The following MAP4 variants were observed in gnomAD, a reference collection of about 807,000 sequenced individuals.
The protein encoded by MAP4 is microtubule-associated protein 4.
MAP4 carries 76 observed loss-of-function variants against 170.2 expected under a neutral mutation model. That is an observed-to-expected ratio of 0.45 (90% CI 0.37 to 0.54). The LOEUF is 0.54. Among genes scored for constraint, MAP4 ranks in the 20% least tolerant of loss-of-function variants. The pLI is 0.00. For synonymous variants in MAP4, 909 were observed against 994.5 expected (o/e 0.91, Z 1.62); for missense variants, 2,506 against 2,748.0 (o/e 0.91, Z 1.97).
intron 1 of MAP4, among the ~76,000 whole-genome samples, chr3:48,028,872 G>A (rs2100114434): frequency 6.6e-6 from 1 of 152,154 alleles, no homozygotes; most frequent in Non-Finnish European, 1.5e-5. Flanking sequence ...GTCAGGCACC[G>A]TGGCAAAGGT....
At chr3:47,944,939 A>G (rs1021077364) in intron 3 of MAP4, among the ~76,000 whole-genome samples, 2 of 151,190 alleles carry the variant, frequency 1.3e-5, no homozygotes, top group Non-Finnish European at 2.9e-5. Context: ...ATTATGCTCT[A>G]AAAAGGAACC....
At chr3:48,060,897 G>A (rs2100134836) in intron 1 of MAP4, among the ~76,000 whole-genome samples, 1 of 151,856 alleles carries the variant, frequency 6.6e-6, no homozygotes, top group Non-Finnish European at 1.5e-5. Flanking sequence ...CAGGCTGGAG[G>A]ACAGTGGTGC....
chr3:47,936,835 C>A (rs2153952826), intron 3 of MAP4, among the ~76,000 whole-genome samples: 1 of 152,034 alleles, frequency 6.6e-6, no homozygotes, highest in South Asian at 2.1e-4. Flanking sequence ...ATAAAATTAG[C>A]CAGGCATGGT....
intron 3 of MAP4, chr3:47,961,112 C>G (rs532123451): frequency 1.3e-5 from 2 of 153,362 alleles, no homozygotes; most frequent in East Asian, 3.8e-4. Flanking sequence ...CCACATCCCC[C>G]AATACTTCAC....
intron 1 of MAP4, among the ~76,000 whole-genome samples, chr3:48,022,479 T>C (rs2100111048): frequency 6.6e-6 from 1 of 152,190 alleles, no homozygotes; most frequent in African/African-American, 2.4e-5. Flanking sequence ...TAAATGATTT[T>C]TTTTAAAAAA....
chr3:47,892,111 G>A (rs756953166), intron 10 of MAP4: 37 of 1,535,972 alleles, frequency 2.4e-5, no homozygotes, highest in Non-Finnish European at 2.8e-5. Flanking sequence ...GATGGAACTC[G>A]GAGGTCTTCT....
chr3:48,086,828 G>T (rs558189566), intron 1 of MAP4, among the ~76,000 whole-genome samples: 2 of 152,144 alleles, frequency 1.3e-5, no homozygotes, highest in South Asian at 4.1e-4. Context: ...GCATTAACTG[G>T]TATCTGGTTT....
intron 19 of MAP4, among the ~76,000 whole-genome samples, chr3:47,854,488 C>T (rs966204346): frequency 2.0e-5 from 3 of 152,196 alleles, no homozygotes; most frequent in Non-Finnish European, 2.9e-5. Context: ...CTCTCCCCTG[C>T]GCACCTGAAC....
Position 47,855,322 on chromosome 3 carries a change from A to G in MAP4, c.6622T>C (p.Phe2208Leu), listed in dbSNP as rs776602524. The change falls in exon 19 of 21, where the codon TTC becomes CTC. Residue 2208 changes from phenylalanine (F) to leucine (L), a missense_variant. By Grantham distance (22) the Phe-to-Leu change is conservative. Around this residue, in one of 3 missense-constraint regions of MAP4, gnomAD observed 487 missense variants for 511.6 expected, o/e 0.95. Coordinates refer to ENST00000683076, the MANE Select transcript of MAP4 (RefSeq NM_001385682.1). This position sits in a 1 kb window ranked among gnomAD's most constrained non-coding sequence, Gnocchi z 5.1. ...ACCTTGGCCTGGGCCTTCTCCTTGA[A>G]GTTCAACTTCTGACTTTCAATCTTG... The part of the protein sequence containing the change: ...DVKIESQKLN[F>L]KEKAQAKVGS... 20 of 1,614,090 alleles carry G rather than the reference A, an allele frequency of 1.2e-5. No homozygotes were observed. In the South Asian group the frequency reaches 2.2e-4, roughly 18 times the overall value.
intron 17 of MAP4, among the ~76,000 whole-genome samples, chr3:47,861,901 C>T (rs1419699987): frequency 1.3e-5 from 2 of 151,694 alleles, no homozygotes; most frequent in South Asian, 2.1e-4. Context: ...CTGGCTCACA[C>T]CTGTAATCCT....
chr3:48,041,467 TAAGG>T (rs776242658), intron 1 of MAP4, among the ~76,000 whole-genome samples: 12 of 152,068 alleles, frequency 7.9e-5, no homozygotes, highest in Non-Finnish European at 1.2e-4. Context: ...TGAAAGAAAT[TAAGG>T]AAGATTTAAA....
chr3:47,892,293 T>G (rs954431545), intron 10 of MAP4: 2 of 1,536,172 alleles, frequency 1.3e-6, no homozygotes, highest in African/African-American at 1.4e-5. Flanking sequence ...CTGGCATTCT[T>G]CACAAGCCCA....
chr3:47,959,619 C>T (rs1160277465), intron 3 of MAP4, among the ~76,000 whole-genome samples: 3 of 151,312 alleles, frequency 2.0e-5, no homozygotes, highest in African/African-American at 7.3e-5. Context: ...ATTAGCCGGA[C>T]GTGGTGGCGG....
chr3:47,913,952 C>G (rs1372219490), intron 8 of MAP4, among the ~76,000 whole-genome samples: 1 of 152,084 alleles, frequency 6.6e-6, no homozygotes. Context: ...TATCTTAGAG[C>G]AGTACCTCTC....
At chr3:47,853,395 G>A (rs749610326) in intron 19 of MAP4, 43 bp from the exon 20 acceptor site, 2 of 1,306,346 alleles carry the variant, frequency 1.5e-6, no homozygotes, top group South Asian at 1.3e-5. Context: ...GTCAGTCGAG[G>A]GGGGGAGTGG....
In MAP4 at chr3:47,871,101, G is replaced by C; in HGVS notation, c.6006C>G (p.Asp2002Glu). Residue 2002 changes from aspartate to glutamate, a missense_variant, in exon 15 of 21, where the codon GAC becomes GAG. Asp to Glu is a conservative substitution (Grantham distance 45, BLOSUM62 2). Around this residue, in one of 3 missense-constraint regions of MAP4, gnomAD observed 487 missense variants for 511.6 expected, o/e 0.95. Coordinates refer to ENST00000683076, the MANE Select transcript of MAP4 (RefSeq NM_001385682.1). ...KKMTAKSVPADLSRPKSTSTS... is the reference protein window; with the variant it reads ...KKMTAKSVPAELSRPKSTSTS... ...TGGAGGTGCTCTTTGGGCGACTCAA[G>C]TCAGCTGCAAAGAAGGGAGTGAGAG... The C allele has an allele frequency of 6.2e-7, 1 of 1,606,836 alleles. No individual in the cohort carries two copies. The highest frequency in any genetic ancestry group is 8.5e-7 in the Non-Finnish European group (1 of 1,174,490).
chr3:48,054,389 A>C (rs2100129510), intron 1 of MAP4, among the ~76,000 whole-genome samples: 2 of 151,866 alleles, frequency 1.3e-5, no homozygotes, highest in South Asian at 4.2e-4. Flanking sequence ...TTGGGAGGCC[A>C]AGGTGGGTGG....
chr3:47,887,167 G>A lies in MAP4; in HGVS notation c.5435-9644C>T, dbSNP rs544709154. 2.0e-3 allele frequency among the ~76,000 whole-genome samples: 310 copies of A among 152,370 alleles called. 1 individual carries two copies. The highest frequency in any genetic ancestry group is 7.0e-3 in the African/African-American group (292 of 41,596). On this transcript the variant is annotated intron_variant, in intron 10 of 20. Coordinates refer to ENST00000683076, the MANE Select transcript of MAP4 (RefSeq NM_001385682.1). ...GGACCCCCTTTCTGGGCTGGCCAAG[G>A]CCAGAGCCAGCTCCCTCAGCTTGCA... is the stretch of plus-strand genomic sequence containing the variant.
chr3:48,026,785 AACC>A (rs1427146485), intron 1 of MAP4, among the ~76,000 whole-genome samples: 2 of 152,218 alleles, frequency 1.3e-5, no homozygotes, highest in African/African-American at 4.8e-5. Flanking sequence ...TTCCATATAG[AACC>A]ACCAACAATT....
Sources: gnomAD v4.1 joint callset for allele counts (sites outside exome capture counted in the v4.1 genomes callset) on GRCh38, gnomAD v4.1.1 for gene constraint, gnomAD v4.1.1 regional missense constraint, Gnocchi (gnomAD v3.1) non-coding constraint, MANE v1.5 for transcripts, NCBI Gene and HGNC (gene_info 2026-07-23, HGNC 2026-07-21) for gene names.